The following KIF13A variants were observed in gnomAD, a reference collection of about 807,000 sequenced individuals.
The protein encoded by KIF13A is kinesin family member 13A.
A neutral mutation model predicts 212.2 loss-of-function variants in KIF13A; 79 were observed. The ratio of observed to expected loss-of-function variants is 0.37; its 90% CI spans 0.31 to 0.45. KIF13A has a LOEUF of 0.45. Ranked by LOEUF, KIF13A falls within the 20% of genes least tolerant of loss-of-function variation. The pLI is 1.00. For missense variants in KIF13A, 1,901 were observed against 2,209.0 expected (o/e 0.86, Z 2.79); for synonymous variants, 789 against 808.6 (o/e 0.98, Z 0.41).
intron 2 of KIF13A, among the ~76,000 whole-genome samples, chr6:17,977,132 AAAAAG>A (rs1581931751): frequency 4.0e-5 from 6 of 151,456 alleles, no homozygotes; most frequent in Admixed American, 2.0e-4. Context: ...AAAAAAAAAA[AAAAAG>A]AAATGCACAT....
At chr6:17,851,866 T>C (rs1357595999) in intron 7 of KIF13A, 89 bp downstream of exon 7, 2 of 604,206 alleles carry the variant, frequency 3.3e-6, no homozygotes, top group Non-Finnish European at 5.4e-6. Context: ...CATTCTGCTA[T>C]AAAGCATCCA....
rs188910692 is a variant in KIF13A, at chr6:17,786,364, C to A, written c.3362-723G>T. 9.2e-5 allele frequency among the ~76,000 whole-genome samples: 14 copies of A among 152,182 alleles called. No homozygotes were observed. Among genetic ancestry groups the A allele is most frequent in the African/African-American group, 3.4e-4 (14 of 41,516 alleles). ...CTGTAACCCCAGCACTTTTGGAGGC[C>A]GAGGTGGGCAGATCTCCTGAGGTCA... On this transcript the variant is annotated intron_variant, in intron 27 of 38. Coordinates refer to ENST00000259711, the MANE Select transcript of KIF13A (RefSeq NM_022113.6). The surrounding 1 kb of genome is among the most constrained non-coding windows in gnomAD (Gnocchi z 5.4).
intron 2 of KIF13A, among the ~76,000 whole-genome samples, chr6:17,980,739 T>G (rs890279993): frequency 3.3e-5 from 5 of 152,174 alleles, no homozygotes; most frequent in Admixed American, 6.5e-5. Flanking sequence ...TGACAAGAAT[T>G]CATTGAACAA....
intron 4 of KIF13A, among the ~76,000 whole-genome samples, chr6:17,860,726 A>C (rs1768685979): frequency 7.3e-6 from 1 of 136,852 alleles, no homozygotes; most frequent in East Asian, 2.0e-4. Flanking sequence ...ACTCTGTCTC[A>C]AAAAAAAAAA....
chr6:17,822,666 A>G (rs1764567668), intron 16 of KIF13A, among the ~76,000 whole-genome samples: 1 of 152,234 alleles, frequency 6.6e-6, no homozygotes. Context: ...CGCTGAAGCA[A>G]TGAGCTGTCT....
chr6:17,771,249 C>T lies in KIF13A; in HGVS notation c.4477-31G>A. On this transcript the variant is annotated intron_variant, in intron 37 of 38. Coordinates refer to ENST00000259711, the MANE Select transcript of KIF13A (RefSeq NM_022113.6). The surrounding 1 kb of genome is among the most constrained non-coding windows in gnomAD (Gnocchi z 5.4). Reference sequence around the variant, plus strand: ...AAGGTTAAGACACACAGATGCATCACACACAAAGACGACAACGGCCAAAAT... The same window carrying T: ...AAGGTTAAGACACACAGATGCATCATACACAAAGACGACAACGGCCAAAAT... 1 of 1,464,328 alleles carries T rather than the reference C, an allele frequency of 6.8e-7. No homozygotes were observed. The highest frequency in any genetic ancestry group is 9.5e-7 in the Non-Finnish European group (1 of 1,050,738). 90.7% of individuals were successfully genotyped at this position (1,464,328 alleles called of 1,614,324 possible). A position where few individuals can be genotyped will look rare whatever the true frequency, so the allele number is the denominator to read the frequency against.
In KIF13A at chr6:17,827,071, T is replaced by TA. The variant is rs542468607; in HGVS notation, c.1533-948dup. On this transcript the variant is annotated intron_variant, in intron 14 of 38. Coordinates refer to ENST00000259711, the MANE Select transcript of KIF13A (RefSeq NM_022113.6). ...AGTGAGACTCTGTCTCAAAATAAAT[T>TA]AAAAAAAAAATAAATAAATAAAATA... is the stretch of plus-strand genomic sequence containing the variant. 2.1e-3 allele frequency among the ~76,000 whole-genome samples: 291 copies of TA among 141,276 alleles called. 9 individuals are homozygous for TA. In the South Asian group the frequency reaches 0.056, roughly 27 times the overall value. The allele number at this position is 141,276 out of a possible 152,430, so 92.7% of individuals were successfully genotyped here. A position where few individuals can be genotyped will look rare whatever the true frequency, so the allele number is the denominator to read the frequency against.
rs1201620976 is a variant in KIF13A, at chr6:17,915,936, CAA to C, written c.147-17758_147-17757del. ...AGCCTGGGTGACAGAGAGCCAGTCTCAAAAAAAAAAATAAAAATAAAAATAAA... is the reference window on the plus strand; with the variant it reads ...AGCCTGGGTGACAGAGAGCCAGTCTCAAAAAAAAATAAAAATAAAAATAAA... On this transcript the variant is annotated intron_variant, in intron 2 of 38. Coordinates refer to ENST00000259711, the MANE Select transcript of KIF13A (RefSeq NM_022113.6). The surrounding 1 kb of genome is among the most constrained non-coding windows in gnomAD (Gnocchi z 4.4). Among the ~76,000 whole-genome samples, 1 of 126,682 alleles carries C rather than the reference CAA, an allele frequency of 7.9e-6. No individual in the cohort carries two copies. The highest frequency in any genetic ancestry group is 7.9e-5 in the Admixed American group (1 of 12,730). 83.1% of individuals were successfully genotyped at this position (126,682 alleles called of 152,430 possible). A position where few individuals can be genotyped will look rare whatever the true frequency, so the allele number is the denominator to read the frequency against.
At chr6:17,868,324 T>TA (rs199509932) in intron 4 of KIF13A, among the ~76,000 whole-genome samples, 1,648 of 152,290 alleles carry the variant, frequency 0.011, 22 homozygotes, top group African/African-American at 0.038. Flanking sequence ...TTAGAAATGT[T>TA]AAAAAATGTA....
At chr6:17,885,209 C>A (rs1437032390) in intron 3 of KIF13A, among the ~76,000 whole-genome samples, 1 of 152,142 alleles carries the variant, frequency 6.6e-6, no homozygotes, top group Non-Finnish European at 1.5e-5. Flanking sequence ...TGTGTGATCA[C>A]AGAACTGCCT....
rs1208636264 is a variant in KIF13A, at chr6:17,971,644, C to T, written c.146+15410G>A. Among the ~76,000 whole-genome samples, 1 of 152,090 alleles carries T rather than the reference C, an allele frequency of 6.6e-6. No homozygotes were observed. Among genetic ancestry groups the T allele is most frequent in the East Asian group, 1.9e-4 (1 of 5,182 alleles). On this transcript the variant is annotated intron_variant, in intron 2 of 38. Transcript: ENST00000259711. This position sits in a 1 kb window ranked among gnomAD's most constrained non-coding sequence, Gnocchi z 4.2. Reference sequence around the variant, plus strand: ...TTTGTCATGTTGCCCAGGCTGGTCTCAAGCTCCTGGGCCCAAGCGATCCTC... The same window carrying T: ...TTTGTCATGTTGCCCAGGCTGGTCTTAAGCTCCTGGGCCCAAGCGATCCTC...
chr6:17,938,668 T>C (rs552776275), intron 2 of KIF13A, among the ~76,000 whole-genome samples: 2 of 152,274 alleles, frequency 1.3e-5, no homozygotes, highest in Admixed American at 6.5e-5. Context: ...CACTGAAATG[T>C]CAGAATCTAG....
rs76617927 is a variant in KIF13A, at chr6:17,771,800, G to A, written c.4476+108C>T. ...TCGAGAACGGGAACCATGGAGTGAT[G>A]ACCGTGCATGTCCACATGCAGCACT... On this transcript the variant is annotated intron_variant, in intron 37 of 38. Transcript: ENST00000259711. This position sits in a 1 kb window ranked among gnomAD's most constrained non-coding sequence, Gnocchi z 5.4. 2,750 of 969,374 alleles carry A rather than the reference G, an allele frequency of 2.8e-3. 35 individuals are homozygous for A. In the African/African-American group the frequency reaches 0.036, roughly 13 times the overall value. 60.0% of individuals were successfully genotyped at this position (969,374 alleles called of 1,614,324 possible). A position where few individuals can be genotyped will look rare whatever the true frequency, so the allele number is the denominator to read the frequency against.
At chr6:17,943,123 C>G (rs1262131477) in intron 2 of KIF13A, among the ~76,000 whole-genome samples, 2 of 152,184 alleles carry the variant, frequency 1.3e-5, no homozygotes, top group African/African-American at 2.4e-5. Context: ...AATCTTTAGA[C>G]TGACACAAAG....
chr6:17,862,754 C>A (rs1768933082), intron 4 of KIF13A, among the ~76,000 whole-genome samples: 1 of 152,140 alleles, frequency 6.6e-6, no homozygotes, highest in Non-Finnish European at 1.5e-5. Context: ...TGAGACCAAC[C>A]TGGCTAACAT....
intron 2 of KIF13A, among the ~76,000 whole-genome samples, chr6:17,956,425 T>C (rs997635486): frequency 6.6e-6 from 1 of 152,230 alleles, no homozygotes; most frequent in Non-Finnish European, 1.5e-5. Context: ...ATTAGCAGTC[T>C]TGTCCATCAT....
At chr6:17,782,625 ACT>A (rs1209926121) in intron 29 of KIF13A, among the ~76,000 whole-genome samples, 4 of 151,074 alleles carry the variant, frequency 2.6e-5, no homozygotes, top group Non-Finnish European at 5.9e-5. Context: ...ACAGAGTGAG[ACT>A]CTGTCTCAAA....
At chr6:17,962,273 T>G (rs1409794872) in intron 2 of KIF13A, among the ~76,000 whole-genome samples, 1 of 151,194 alleles carries the variant, frequency 6.6e-6, no homozygotes, top group Non-Finnish European at 1.5e-5. Context: ...ATTGCGCCAG[T>G]GCACTCCAGT....
Position 17,780,861 on chromosome 6 carries a change from G to C in KIF13A, c.3715C>G (p.His1239Asp), listed in dbSNP as rs1760501218. ...SWDSSVHDSV[H>D]LNRVTPQNER... ...TTCTGTGGTGTGACCCTATTCAAGTGAACAGAATCATGCACCGAGGAATCC... is the reference window on the plus strand; with the variant it reads ...TTCTGTGGTGTGACCCTATTCAAGTCAACAGAATCATGCACCGAGGAATCC... Residue 1239 changes from histidine to aspartate, a missense_variant, in exon 31 of 39, where the codon CAC (histidine) becomes GAC (aspartate). Transcript: ENST00000259711. 1 of 1,613,816 alleles carries C rather than the reference G, an allele frequency of 6.2e-7. No homozygotes were observed. The highest frequency in any genetic ancestry group is 1.1e-5 in the South Asian group (1 of 91,088).
Sources: gnomAD v4.1 joint callset for allele counts (sites outside exome capture counted in the v4.1 genomes callset) on GRCh38, gnomAD v4.1.1 for gene constraint, Gnocchi (gnomAD v3.1) non-coding constraint, MANE v1.5 for transcripts, NCBI Gene and HGNC (gene_info 2026-07-23, HGNC 2026-07-21) for gene names.